The following SPATA22 variants were observed in gnomAD, a reference collection of about 807,000 sequenced individuals.
SPATA22 encodes spermatogenesis-associated protein 22.
Under a neutral mutation model 47.8 loss-of-function variants are expected in SPATA22, and 29 were observed. The observed-to-expected ratio is 0.61, with a 90% CI of 0.45 to 0.83. SPATA22 has a LOEUF of 0.83. Ranked by LOEUF, SPATA22 falls within the 40% of genes least tolerant of loss-of-function variation. The pLI, the probability that SPATA22 is intolerant of heterozygous loss-of-function variation, is 0.00. For synonymous variants in SPATA22, 133 were observed against 140.9 expected (o/e 0.94, Z 0.40); for missense variants, 410 against 421.7 (o/e 0.97, Z 0.24).
intron 1 of SPATA22, chr17:3,501,318 T>A (rs1352479430): frequency 6.6e-6 from 1 of 152,082 alleles, no homozygotes; most frequent in African/African-American, 2.4e-5. Context: ...TGGGAGGAGA[T>A]CAAAATATCA....
chr17:3,462,368 T>C, intron 5 of SPATA22, 115 bp downstream of exon 5: 1 of 697,126 alleles, frequency 1.4e-6, no homozygotes, highest in East Asian at 2.6e-5. Context: ...TTATAGAAAT[T>C]TCCTAAATGT....
At chr17:3,472,607 C>T (rs1306123446), upstream of SPATA22, 1 of 152,202 alleles carries the variant, frequency 6.6e-6, no homozygotes, top group Non-Finnish European at 1.5e-5. Context: ...ATTTGAGTAA[C>T]AGTAGCTGCC....
chr17:3,492,380 T>C (rs541421553), intron 1 of SPATA22, among the ~76,000 whole-genome samples: 3 of 152,268 alleles, frequency 2.0e-5, no homozygotes, highest in Non-Finnish European at 4.4e-5. Context: ...AGTTTTTACT[T>C]TCTTCCTATC....
rs1507615 is a variant in SPATA22, at chr17:3,512,688, C to G, written c.-74+724G>C. The G allele has an allele frequency of 0.91, 139,004 of 152,052 alleles. 64,816 individuals are homozygous for G. The highest frequency in any genetic ancestry group is 1 in the East Asian group (5,170 of 5,170). 9.4% of individuals were successfully genotyped at this position (152,052 alleles called of 1,614,324 possible). ...CCGTCTCCACTTCACCTCTGCCCCCCAGACTGACTCCGTGTCATTTCAGAA... is the reference window on the plus strand; with the variant it reads ...CCGTCTCCACTTCACCTCTGCCCCCGAGACTGACTCCGTGTCATTTCAGAA... On this transcript the variant is annotated intron_variant, in intron 1 of 8. Transcript: ENST00000541913.
rs777380642 is a variant in SPATA22 at position 3,449,010 on chromosome 17, G to C, written c.469C>G (p.Gln157Glu). The C allele has an allele frequency of 5.0e-6, 8 of 1,613,782 alleles. No homozygotes were observed. The East Asian group carries it at 8.9e-5, about 18-fold the overall frequency. The change falls in exon 6 of 9, where the codon CAA (glutamine) becomes GAA (glutamate). Residue 157 changes from glutamine (Q) to glutamate (E), a missense_variant. Physicochemically the swap from Gln to Glu is conservative, Grantham distance 29 (BLOSUM62 2). Coordinates refer to ENST00000572969, the MANE Select transcript of SPATA22 (RefSeq NM_001170698.2). ...PVSSGAQQQK[Q>E]LRIPEPPNLS... ...TTAGGAGGTTCAGGTATTCTTAATT[G>C]TTTTTGTTGTTGAGCTCCCGAACTC...
intron 3 of SPATA22, among the ~76,000 whole-genome samples, chr17:3,467,025 T>C (rs1156248915): frequency 6.6e-6 from 1 of 152,132 alleles, no homozygotes; most frequent in Non-Finnish European, 1.5e-5. Context: ...TCCTAAAATC[T>C]ATCTTTTTTT....
chr17:3,470,017 C>G (rs749219800), intron 1 of SPATA22, among the ~76,000 whole-genome samples: 8 of 138,262 alleles, frequency 5.8e-5, no homozygotes, highest in Non-Finnish European at 1.1e-4. Flanking sequence ...CGCTTGAGCC[C>G]GAGAGGCCGA....
intron 1 of SPATA22, among the ~76,000 whole-genome samples, chr17:3,484,566 G>C (rs1296480877): frequency 6.6e-6 from 1 of 152,164 alleles, no homozygotes; most frequent in East Asian, 1.9e-4. Flanking sequence ...CAGGATTCTA[G>C]ACAAGTGTCT....
chr17:3,440,085 T>C lies in SPATA22; in HGVS notation c.*62A>G, dbSNP rs1247329265. 9.4e-7 allele frequency: 1 copy of C among 1,059,186 alleles called. No homozygotes were observed. Among genetic ancestry groups the C allele is most frequent in the Non-Finnish European group, 1.3e-6 (1 of 759,610 alleles). 65.6% of individuals were successfully genotyped at this position (1,059,186 alleles called of 1,614,324 possible). ...AATAGTAGCTATAAAACTATGGAGA[T>C]GGTAAATTAAGCAATAACAGAAAAC... On this transcript the variant is annotated 3_prime_UTR_variant, in exon 9 of 9. Coordinates refer to ENST00000572969, the MANE Select transcript of SPATA22 (RefSeq NM_001170698.2).
chr17:3,480,312 T>G (rs945575359), intron 1 of SPATA22, among the ~76,000 whole-genome samples: 18 of 152,252 alleles, frequency 1.2e-4, no homozygotes, highest in Non-Finnish European at 1.8e-4. Flanking sequence ...GGCCAGAGTT[T>G]TATTATTACT....
chr17:3,462,601 TAAATATTAATAGTTTGCTTTC>T, intron 4 of SPATA22, 23 bp from the exon 5 acceptor site: 1 of 1,599,872 alleles, frequency 6.3e-7, no homozygotes, highest in Non-Finnish European at 8.6e-7. Flanking sequence ...TATGTCTTGT[TAAATATTAATAGTTTGCTTTC>T]AAATTGAGAA....
At chr17:3,445,508 T>C (rs945315698) in intron 7 of SPATA22, among the ~76,000 whole-genome samples, 4 of 152,240 alleles carry the variant, frequency 2.6e-5, no homozygotes, top group Middle Eastern at 3.4e-3. Context: ...TGTGATACCC[T>C]GAGTATAGAA....
chr17:3,451,951 A>T (rs1348746896), intron 5 of SPATA22, among the ~76,000 whole-genome samples: 2 of 140,516 alleles, frequency 1.4e-5, no homozygotes, highest in Admixed American at 7.1e-5. Flanking sequence ...TGTCTCAATT[A>T]AAAAAAAAAA....
intron 5 of SPATA22, among the ~76,000 whole-genome samples, chr17:3,461,689 T>C (rs1007672604): frequency 6.6e-6 from 1 of 152,120 alleles, no homozygotes; most frequent in Non-Finnish European, 1.5e-5. Context: ...ATATAAAAAG[T>C]TCCCCCTTTT....
Position 3,469,330 on chromosome 17 carries a change from T to C in SPATA22, c.-5A>G. ...TTCATTTAGGCTTCGCTTCATTTCCTTCAATATCAAAATCTATAATTTTCT... is the reference window on the plus strand; with the variant it reads ...TTCATTTAGGCTTCGCTTCATTTCCCTCAATATCAAAATCTATAATTTTCT... On this transcript the variant is annotated 5_prime_UTR_variant, in exon 2 of 9. Coordinates refer to ENST00000572969, the MANE Select transcript of SPATA22 (RefSeq NM_001170698.2). 1.3e-6 allele frequency: 2 copies of C among 1,564,388 alleles called. No homozygotes were observed. Among genetic ancestry groups the C allele is most frequent in the Middle Eastern group, 3.3e-4 (2 of 5,996 alleles).
In SPATA22 at chr17:3,446,651, A is replaced by T. The variant is rs770104212; in HGVS notation, c.673-50T>A. The T allele has an allele frequency of 5.9e-6, 8 of 1,365,024 alleles. No homozygotes were observed. In the South Asian group the frequency reaches 1.2e-4, roughly 20 times the overall value. The allele number at this position is 1,365,024 out of a possible 1,614,324, so 84.6% of individuals were successfully genotyped here. A position where few individuals can be genotyped will look rare whatever the true frequency, so the allele number is the denominator to read the frequency against. On this transcript the variant is annotated intron_variant, in intron 6 of 8. Transcript: ENST00000572969. ...TATTAGAAAAATATTTGTTTTTTTC[A>T]TCATACTCGTTTACCTTCTACGTAA... is the stretch of plus-strand genomic sequence containing the variant.
At chr17:3,492,233 G>A (rs1466371304) in intron 1 of SPATA22, among the ~76,000 whole-genome samples, 2 of 152,196 alleles carry the variant, frequency 1.3e-5, no homozygotes, top group Non-Finnish European at 2.9e-5. Flanking sequence ...CACACTTTTT[G>A]AGGCTGTAAG....
At chr17:3,462,414 G>A (rs1269970313) in intron 5 of SPATA22, 69 bp downstream of exon 5, 2 of 1,063,192 alleles carry the variant, frequency 1.9e-6, no homozygotes, top group African/African-American at 1.6e-5. Flanking sequence ...GAAGGAGGAG[G>A]GAAGAATGAA....
At chr17:3,486,199 G>C (rs2150750946) in intron 1 of SPATA22, among the ~76,000 whole-genome samples, 1 of 152,294 alleles carries the variant, frequency 6.6e-6, no homozygotes, top group East Asian at 1.9e-4. Context: ...CTCCCAAAGT[G>C]CTGGGATTAC....
Sources: allele counts gnomAD v4.1 joint callset (sites outside exome capture counted in the v4.1 genomes callset), GRCh38; gene constraint gnomAD v4.1.1; transcripts MANE v1.5; gene names NCBI Gene and HGNC (gene_info 2026-07-23, HGNC 2026-07-21).